The following AP3S1 variants were observed in gnomAD, a reference collection of about 807,000 sequenced individuals.
AP3S1 encodes adaptor related protein complex 3 subunit sigma 1, also known as AP-3 complex subunit sigma-1.
Under a neutral mutation model 21.3 loss-of-function variants are expected in AP3S1, and 12 were observed. The observed-to-expected ratio is 0.56, with a 90% CI of 0.36 to 0.91. The LOEUF is 0.91. Among genes scored for constraint, AP3S1 ranks in the 40% least tolerant of loss-of-function variants. AP3S1 has a pLI of 0.01. For synonymous variants in AP3S1, 48 were observed against 78.4 expected (o/e 0.61, Z 2.05); for missense variants, 116 against 225.0 (o/e 0.52, Z 3.10).
intron 1 of AP3S1, among the ~76,000 whole-genome samples, chr5:115,860,858 C>G (rs1428013214): frequency 1.3e-5 from 2 of 152,136 alleles, no homozygotes; most frequent in African/African-American, 4.8e-5. Context: ...TAGAACACAG[C>G]TTGCACTTTT....
intron 3 of AP3S1, among the ~76,000 whole-genome samples, chr5:115,883,273 G>A (rs1021939981): frequency 1.3e-5 from 2 of 152,204 alleles, no homozygotes; most frequent in Non-Finnish European, 2.9e-5. Flanking sequence ...CCTGCAGCTA[G>A]GTTGGTGTCT....
intron 3 of AP3S1, among the ~76,000 whole-genome samples, chr5:115,878,003 G>C (rs894016287): frequency 6.6e-6 from 1 of 152,162 alleles, no homozygotes; most frequent in South Asian, 2.1e-4. Context: ...GTCTTCTTTT[G>C]AGAAGTTTCT....
chr5:115,901,792 G>A (rs1194658640), intron 4 of AP3S1, among the ~76,000 whole-genome samples: 1 of 152,098 alleles, frequency 6.6e-6, no homozygotes, highest in African/African-American at 2.4e-5. Context: ...TCCTCCCAAA[G>A]TGTTGGGATT....
intron 3 of AP3S1, among the ~76,000 whole-genome samples, chr5:115,884,752 C>T (rs1749628764): frequency 6.6e-6 from 1 of 152,148 alleles, no homozygotes; most frequent in Admixed American, 6.5e-5. Context: ...ATTATAGGTT[C>T]ACATCATAAT....
rs3984986 is a variant in AP3S1 at position 115,913,705 on chromosome 5, ATTT to A, written c.*224_*226del. On this transcript the variant is annotated 3_prime_UTR_variant, in exon 6 of 6. Transcript: ENST00000316788. ...AAAGAAATTGAGTAGTTCCTATGTG[ATTT>A]TTTTTTTTCTTTTCTAAACTGCATT... 1.6e-5 allele frequency: 11 copies of A among 691,164 alleles called. No homozygotes were observed. Among genetic ancestry groups the A allele is most frequent in the South Asian group, 3.0e-5 (1 of 33,256 alleles). 42.8% of individuals were successfully genotyped at this position (691,164 alleles called of 1,614,324 possible). A position where few individuals can be genotyped will look rare whatever the true frequency, so the allele number is the denominator to read the frequency against.
intron 4 of AP3S1, among the ~76,000 whole-genome samples, chr5:115,896,629 A>T (rs913276769): frequency 6.6e-6 from 1 of 152,116 alleles, no homozygotes. Context: ...AAATACAAAA[A>T]TTAGCCAGGT....
intron 3 of AP3S1, among the ~76,000 whole-genome samples, chr5:115,893,728 G>C (rs1036491524): frequency 1.3e-5 from 2 of 152,138 alleles, no homozygotes; most frequent in Non-Finnish European, 2.9e-5. Context: ...GATCACCTGT[G>C]AATAGTGGGA....
At chr5:115,870,190 C>G (rs1748101980) in intron 3 of AP3S1, 62 bp downstream of exon 3, 1 of 998,116 alleles carries the variant, frequency 1.0e-6, no homozygotes, top group South Asian at 1.5e-5. Context: ...TTTTTAAAAA[C>G]TTATATATTC....
At chr5:115,908,194 C>T (rs1211855910) in intron 5 of AP3S1, among the ~76,000 whole-genome samples, 1 of 151,980 alleles carries the variant, frequency 6.6e-6, no homozygotes, top group African/African-American at 2.4e-5. Context: ...TTATTTTGTC[C>T]CTCATATAGA....
At chr5:115,868,503 G>C (rs1347962931) in intron 2 of AP3S1, among the ~76,000 whole-genome samples, 1 of 152,048 alleles carries the variant, frequency 6.6e-6, no homozygotes, top group African/African-American at 2.4e-5. Context: ...TTCTCCTTTT[G>C]CTATTAGAAG....
chr5:115,858,263 A>G (rs1022778953), intron 1 of AP3S1, among the ~76,000 whole-genome samples: 9 of 152,236 alleles, frequency 5.9e-5, no homozygotes, highest in African/African-American at 2.2e-4. Flanking sequence ...ATGCTGCCCA[A>G]AAATTTTTAT....
chr5:115,846,853 A>G (rs1167023902), intron 1 of AP3S1, among the ~76,000 whole-genome samples: 1 of 152,178 alleles, frequency 6.6e-6, no homozygotes, highest in Non-Finnish European at 1.5e-5. Flanking sequence ...ATTAGTTATA[A>G]TGCGTTTGTC....
chr5:115,871,779 T>C (rs1221683060), intron 3 of AP3S1, among the ~76,000 whole-genome samples: 1 of 152,172 alleles, frequency 6.6e-6, no homozygotes, highest in African/African-American at 2.4e-5. Context: ...TCATTTTCTG[T>C]TTCCCCGGTC....
intron 1 of AP3S1, among the ~76,000 whole-genome samples, chr5:115,849,300 AT>A (rs1762275095): frequency 1.3e-5 from 2 of 152,222 alleles, no homozygotes; most frequent in African/African-American, 4.8e-5. Context: ...AGATAGGGTC[AT>A]TGGGAATACC....
rs1320495541 is a variant in AP3S1, at chr5:115,842,000, C to G, written c.-38C>G. Reference sequence around the variant, plus strand: ...CGAGGCTCGCGCGCCCGCCCCCGCCCTGGCCCCCAGTGCCCACCCGGTCGG... The same window carrying G: ...CGAGGCTCGCGCGCCCGCCCCCGCCGTGGCCCCCAGTGCCCACCCGGTCGG... On this transcript the variant is annotated 5_prime_UTR_variant, in exon 1 of 6. Transcript: ENST00000316788. 3 of 1,567,210 alleles carry G rather than the reference C, an allele frequency of 1.9e-6. No individual in the cohort carries two copies. Among genetic ancestry groups the G allele is most frequent in the African/African-American group, 2.7e-5 (2 of 73,280 alleles).
intron 1 of AP3S1, among the ~76,000 whole-genome samples, chr5:115,843,431 G>A (rs147865785): frequency 2.6e-5 from 4 of 152,250 alleles, no homozygotes; most frequent in Admixed American, 2.6e-4. Context: ...AATATTTTCT[G>A]CTACTCGTGT....
intron 1 of AP3S1, among the ~76,000 whole-genome samples, chr5:115,854,208 G>A (rs1296895774): frequency 6.6e-6 from 1 of 152,086 alleles, no homozygotes; most frequent in African/African-American, 2.4e-5. Flanking sequence ...AAGGTCTTAC[G>A]TTTTAACACT....
chr5:115,851,044 T>C (rs1290571187), intron 1 of AP3S1, among the ~76,000 whole-genome samples: 1 of 152,228 alleles, frequency 6.6e-6, no homozygotes, highest in Non-Finnish European at 1.5e-5. Context: ...ATTAGGTTAT[T>C]TTCTAGTTAC....
At chr5:115,884,584 C>T (rs1243934601) in intron 3 of AP3S1, among the ~76,000 whole-genome samples, 1 of 152,148 alleles carries the variant, frequency 6.6e-6, no homozygotes, top group African/African-American at 2.4e-5. Flanking sequence ...CCAACAACAA[C>T]AACAAGAAAA....
Sources: allele counts gnomAD v4.1 joint callset (sites outside exome capture counted in the v4.1 genomes callset), GRCh38; gene constraint gnomAD v4.1.1; transcripts MANE v1.5; gene names NCBI Gene and HGNC (gene_info 2026-07-23, HGNC 2026-07-21).